RANBP2: variants seen among roughly 807,000 people sequenced by gnomAD.
RANBP2 encodes RAN binding protein 2.
In RANBP2, 57 loss-of-function variants were observed where a neutral mutation model predicts 303.6. That is an observed-to-expected ratio of 0.19 (90% confidence interval 0.15 to 0.23). RANBP2 has a LOEUF of 0.23. Among genes scored for constraint, RANBP2 ranks in the 10% least tolerant of loss-of-function variants. The pLI is 1.00. For synonymous variants in RANBP2, 1,167 were observed against 1,301.5 expected (o/e 0.90, Z 2.23); for missense variants, 3,138 against 3,780.8 (o/e 0.83, Z 4.46).
chr2:109,544,802 C>T, the RANBP2 span: 2 of 759,740 alleles, frequency 2.6e-6, no homozygotes. Flanking sequence ...TAATTGCATG[C>T]CTACTATGTA....
At chr2:109,264,505 G>A in the RANBP2 span, among the ~76,000 whole-genome samples, 1 of 152,228 alleles carries the variant, frequency 6.6e-6, no homozygotes, top group Non-Finnish European at 1.5e-5. Flanking sequence ...AGAGGTGCTC[G>A]ATAGATAGAA....
At chr2:109,166,146 A>G in the RANBP2 span, among the ~76,000 whole-genome samples, 18 of 152,176 alleles carry the variant, frequency 1.2e-4, no homozygotes, top group Non-Finnish European at 2.6e-4. Flanking sequence ...CAGACTTCTT[A>G]ATATGGTTGG....
chr2:109,553,239 A>G, the RANBP2 span: 3 of 1,612,038 alleles, frequency 1.9e-6, no homozygotes, highest in Non-Finnish European at 2.5e-6. Context: ...TATTTGTGTT[A>G]CTCTCCTGCT....
the RANBP2 span, among the ~76,000 whole-genome samples, chr2:109,094,807 G>A: frequency 6.6e-6 from 1 of 152,138 alleles, no homozygotes; most frequent in Admixed American, 6.5e-5. Context: ...TCCAGCCTGA[G>A]TGACAAGAGC....
At chr2:108,865,494 T>G in the RANBP2 span, among the ~76,000 whole-genome samples, 1 of 152,192 alleles carries the variant, frequency 6.6e-6, no homozygotes, top group African/African-American at 2.4e-5. Flanking sequence ...TTTTGTGCCA[T>G]AGACAAAATA....
chr2:109,488,123 G>T, the RANBP2 span, among the ~76,000 whole-genome samples: 1 of 152,182 alleles, frequency 6.6e-6, no homozygotes, highest in African/African-American at 2.4e-5. Flanking sequence ...GGGCTCCGCC[G>T]GGACACCTGG....
At chr2:108,985,347 G>A in the RANBP2 span, among the ~76,000 whole-genome samples, 7 of 152,154 alleles carry the variant, frequency 4.6e-5, no homozygotes, top group African/African-American at 1.4e-4. Context: ...AAGTGAAGGC[G>A]CGCCTTCCTA....
At chr2:109,436,827 A>G in the RANBP2 span, 6 of 1,558,010 alleles carry the variant, frequency 3.9e-6, no homozygotes, top group East Asian at 4.6e-5. Context: ...AGGCTCTGCC[A>G]GAGGCCCACA....
the RANBP2 span, among the ~76,000 whole-genome samples, chr2:109,248,898 TCCTGTCCTGTCCTG>T: frequency 1.0e-4 from 5 of 49,072 alleles, no homozygotes; most frequent in Admixed American, 1.9e-4. Flanking sequence ...TCCTGTCCTG[TCCTGTCCTGTCCTG>T]TCCTGTCCTG....
chr2:108,786,374 C>T (rs1253786518), downstream of RANBP2, among the ~76,000 whole-genome samples: 1 of 151,828 alleles, frequency 6.6e-6, no homozygotes, highest in Non-Finnish European at 1.5e-5. Context: ...GGACTACACG[C>T]GCGCCACCAC....
chr2:108,899,872 G>T, the RANBP2 span, among the ~76,000 whole-genome samples: 2 of 152,088 alleles, frequency 1.3e-5, no homozygotes, highest in African/African-American at 4.8e-5. Flanking sequence ...TGTAATCCCA[G>T]CTACTCGGGA....
the RANBP2 span, among the ~76,000 whole-genome samples, chr2:109,629,304 T>TATAG: frequency 4.5e-5 from 1 of 22,302 alleles, no homozygotes; most frequent in African/African-American, 2.0e-4. Context: ...GGCCTAAAGA[T>TATAG]ATATATATAT....
the RANBP2 span, among the ~76,000 whole-genome samples, chr2:109,067,690 C>T: frequency 1.3e-5 from 2 of 152,180 alleles, no homozygotes; most frequent in African/African-American, 4.8e-5. Context: ...CGGACTCTGC[C>T]CCTGCTCCCC....
At chr2:109,262,509 C>T in the RANBP2 span, among the ~76,000 whole-genome samples, 4 of 152,198 alleles carry the variant, frequency 2.6e-5, no homozygotes, top group Admixed American at 6.5e-5. Context: ...GGTAAACCTA[C>T]CCAGGCCCTT....
At chr2:109,635,474 C>T in the RANBP2 span, among the ~76,000 whole-genome samples, 5 of 152,206 alleles carry the variant, frequency 3.3e-5, no homozygotes, top group South Asian at 4.1e-4. Context: ...TGAGCCACTG[C>T]GCCCAGCTAG....
the RANBP2 span, among the ~76,000 whole-genome samples, chr2:109,533,430 T>C: frequency 6.6e-6 from 1 of 152,216 alleles, no homozygotes; most frequent in African/African-American, 2.4e-5. Flanking sequence ...CATTTGTCTC[T>C]GCTAGTCAAG....
chr2:109,317,306 A>G, the RANBP2 span, among the ~76,000 whole-genome samples: 1 of 152,136 alleles, frequency 6.6e-6, no homozygotes, highest in Non-Finnish European at 1.5e-5. Context: ...GGGCGACAGC[A>G]ATGCCTGTCC....
chr2:109,515,446 G>A, the RANBP2 span, among the ~76,000 whole-genome samples: 3 of 152,108 alleles, frequency 2.0e-5, no homozygotes, highest in African/African-American at 7.2e-5. Flanking sequence ...CAGACTCCAG[G>A]ACAAAGCCCT....
At chr2:109,546,273 G>T in the RANBP2 span, 2 of 1,425,942 alleles carry the variant, frequency 1.4e-6, no homozygotes, top group Non-Finnish European at 9.4e-7. Context: ...TACTGACACA[G>T]CGCGGCAGCA....
Sources: gnomAD v4.1 joint callset for allele counts (sites outside exome capture counted in the v4.1 genomes callset) on GRCh38, gnomAD v4.1.1 for gene constraint, MANE v1.5 for transcripts, NCBI Gene and HGNC (gene_info 2026-07-23, HGNC 2026-07-21) for gene names.